ACTN4: variants seen among roughly 807,000 people sequenced by gnomAD.
The protein encoded by ACTN4 is actinin alpha 4, also known as alpha-actinin-4.
ACTN4 carries 18 observed loss-of-function variants against 114.2 expected under a neutral mutation model. That is an observed-to-expected ratio of 0.16 (90% confidence interval 0.11 to 0.23). The LOEUF (loss-of-function observed/expected upper bound fraction) is 0.23. Ranked by LOEUF, ACTN4 falls within the 10% of genes least tolerant of loss-of-function variation. The pLI is 1.00. For synonymous variants in ACTN4, 515 were observed against 506.3 expected, an observed-to-expected ratio of 1.02 and a Z score of -0.23; for missense variants, 722 against 1,262.9, an observed-to-expected ratio of 0.57 and a Z score of 6.49.
Position 38,727,154 on chromosome 19 carries a change from C to G in ACTN4, c.2337+51C>G, listed in dbSNP as rs149210264. On this transcript the variant is annotated intron_variant, in intron 18 of 20. Transcript: ENST00000252699. The surrounding 1 kb of genome is among the most constrained non-coding windows in gnomAD (Gnocchi z 5.4). ...CTCTCCCCTCCCGCCGTTGCCGTAC[C>G]AGCCCACACCTTCGTCTCTGCATCT... 1.9e-6 allele frequency: 3 copies of G among 1,612,988 alleles called. No homozygotes were observed. In the East Asian group the frequency reaches 6.7e-5, roughly 36 times the overall value.
intron 1 of ACTN4, among the ~76,000 whole-genome samples, chr19:38,698,007 A>C (rs1968148786): frequency 6.6e-6 from 1 of 152,204 alleles, no homozygotes; most frequent in South Asian, 2.1e-4. Flanking sequence ...CGCACATGGT[A>C]GGAGAGAAAG....
chr19:38,711,440 C>CT, intron 8 of ACTN4: 1 of 740,974 alleles, frequency 1.3e-6, no homozygotes, highest in Non-Finnish European at 1.7e-6. Context: ...CGCTGGCCAT[C>CT]TGTGGTTGGA....
chr19:38,655,084 T>C (rs969717566), intron 1 of ACTN4, among the ~76,000 whole-genome samples: 3 of 152,170 alleles, frequency 2.0e-5, no homozygotes, highest in Non-Finnish European at 2.9e-5. Flanking sequence ...CTGCAGCCAT[T>C]TGTGATTTTC....
At chr19:38,692,909 C>T (rs1400986364) in intron 1 of ACTN4, among the ~76,000 whole-genome samples, 3 of 152,098 alleles carry the variant, frequency 2.0e-5, no homozygotes, top group Non-Finnish European at 4.4e-5. Context: ...GATGCCCCAG[C>T]GGAGCGACAA....
chr19:38,674,627 A>G (rs953089676), intron 1 of ACTN4, among the ~76,000 whole-genome samples: 3 of 152,178 alleles, frequency 2.0e-5, no homozygotes, highest in African/African-American at 7.2e-5. Context: ...AGATGAGAGA[A>G]CTAAAGTTCA....
rs181865771 is a variant in ACTN4 at position 38,729,640 on chromosome 19, C to G, written c.*208C>G. 279 of 761,256 alleles carry G rather than the reference C, an allele frequency of 3.7e-4. No homozygotes were observed. In the African/African-American group the frequency reaches 4.4e-3, roughly 12 times the overall value. 47.2% of individuals were successfully genotyped at this position (761,256 alleles called of 1,614,324 possible). Reference sequence around the variant, plus strand: ...GGTTCCCCCGACCAGGTTGGGGAGACTTGGGGCCAGCGCTTCTGGTCTGGT... The same window carrying G: ...GGTTCCCCCGACCAGGTTGGGGAGAGTTGGGGCCAGCGCTTCTGGTCTGGT... On this transcript the variant is annotated 3_prime_UTR_variant, in exon 21 of 21. Transcript: ENST00000252699.
intron 8 of ACTN4, 69 bp downstream of exon 8, chr19:38,710,411 C>T (rs1450975927): frequency 9.3e-6 from 14 of 1,504,250 alleles, no homozygotes; most frequent in African/African-American, 5.5e-5. Context: ...TCTCGCCTCC[C>T]GTGCTCACCT....
chr19:38,707,089 A>G (rs8105216), intron 5 of ACTN4, among the ~76,000 whole-genome samples: 8,608 of 152,232 alleles, frequency 0.057, 259 homozygotes, highest in South Asian at 0.095. Flanking sequence ...CAGCGGCCTC[A>G]GGCTCTCTGG....
rs1162858670 is a variant in ACTN4, at chr19:38,730,408, T to C, written c.*976T>C. 1 of 184,780 alleles carries C rather than the reference T, an allele frequency of 5.4e-6. No individual in the cohort carries two copies. The highest frequency in any genetic ancestry group is 1.5e-4 in the East Asian group (1 of 6,778). The allele number at this position is 184,780 out of a possible 1,614,324, so 11.4% of individuals were successfully genotyped here. A position where few individuals can be genotyped will look rare whatever the true frequency, so the allele number is the denominator to read the frequency against. On this transcript the variant is annotated 3_prime_UTR_variant, in exon 21 of 21. Transcript: ENST00000252699. Reference sequence around the variant, plus strand: ...GGCTGATGGCCTGGCTGCCTGGTGGTTGATGGTTTTGCTCCCCCTACCTTT... The same window carrying C: ...GGCTGATGGCCTGGCTGCCTGGTGGCTGATGGTTTTGCTCCCCCTACCTTT...
intron 3 of ACTN4, among the ~76,000 whole-genome samples, chr19:38,704,673 C>T (rs1327677541): frequency 2.6e-5 from 4 of 152,214 alleles, no homozygotes; most frequent in Non-Finnish European, 5.9e-5. Context: ...GGAGAAGGAG[C>T]TGGCTGCGGG....
chr19:38,669,405 G>C (rs951914516), intron 1 of ACTN4, among the ~76,000 whole-genome samples: 1 of 152,236 alleles, frequency 6.6e-6, no homozygotes, highest in African/African-American at 2.4e-5. Flanking sequence ...GAGTTTGGAG[G>C]TGTCCCCTGT....
At chr19:38,672,369 T>G (rs1437363011) in intron 1 of ACTN4, among the ~76,000 whole-genome samples, 1 of 150,852 alleles carries the variant, frequency 6.6e-6, no homozygotes, top group African/African-American at 2.4e-5. Flanking sequence ...GCCTCCTGAG[T>G]AGCTGGGACC....
Position 38,727,822 on chromosome 19 carries a change from C to T in ACTN4, c.2338-124C>T. The T allele has an allele frequency of 1.1e-6, 1 of 904,958 alleles. No homozygotes were observed. Among genetic ancestry groups the T allele is most frequent in the Admixed American group, 2.0e-5 (1 of 48,886 alleles). The allele number at this position is 904,958 out of a possible 1,614,324, so 56.1% of individuals were successfully genotyped here. ...CTGGCCATCTCCTTGTCCATGTTGC[C>T]TCTAACTCTGTGTTTCCCTCCCCTA... On this transcript the variant is annotated intron_variant, in intron 18 of 20. Transcript: ENST00000252699. The surrounding 1 kb of genome is among the most constrained non-coding windows in gnomAD (Gnocchi z 5.4).
chr19:38,679,450 T>G (rs1267614937), intron 1 of ACTN4, among the ~76,000 whole-genome samples: 1 of 152,160 alleles, frequency 6.6e-6, no homozygotes, highest in Admixed American at 6.5e-5. Context: ...GTGGGACTCC[T>G]TTGTACCTGT....
intron 1 of ACTN4, among the ~76,000 whole-genome samples, chr19:38,691,181 C>T (rs528340834): frequency 4.0e-5 from 6 of 150,894 alleles, no homozygotes; most frequent in African/African-American, 9.7e-5. Context: ...TTTGGGAGGC[C>T]GAGGTGGGCG....
At chr19:38,723,367 C>T (rs943142390) in intron 12 of ACTN4, among the ~76,000 whole-genome samples, 1 of 152,150 alleles carries the variant, frequency 6.6e-6, no homozygotes, top group Non-Finnish European at 1.5e-5. Context: ...AGGAGGAAGC[C>T]GCTTCCCTTC....
Position 38,714,525 on chromosome 19 carries a change from G to A in ACTN4, c.876G>A (p.Glu292=). 1 of 1,613,988 alleles carries A rather than the reference G, an allele frequency of 6.2e-7. No individual in the cohort carries two copies. ...CKVLAVNQEN[E]HLMEDYEKLA... ...TGCTGGCTGTCAACCAAGAGAACGA[G>A]CACCTGATGGAGGACTACGAGAAGC... Residue 292 remains glutamate, a synonymous_variant, in exon 9 of 21, where the codon GAG becomes GAA. Coordinates refer to ENST00000252699, the MANE Select transcript of ACTN4 (RefSeq NM_004924.6).
chr19:38,667,944 T>C (rs555550525), intron 1 of ACTN4, among the ~76,000 whole-genome samples: 1 of 152,180 alleles, frequency 6.6e-6, no homozygotes, highest in South Asian at 2.1e-4. Flanking sequence ...TAATGCAAAA[T>C]ATGCAAGCTG....
At chr19:38,718,606 G>A (rs1968926384) in intron 11 of ACTN4, among the ~76,000 whole-genome samples, 1 of 152,150 alleles carries the variant, frequency 6.6e-6, no homozygotes, top group African/African-American at 2.4e-5. Context: ...CAGGGGCCAG[G>A]TCCTCTTTGT....
Sources: gnomAD v4.1 joint callset for allele counts (sites outside exome capture counted in the v4.1 genomes callset) on GRCh38, gnomAD v4.1.1 for gene constraint, Gnocchi (gnomAD v3.1) non-coding constraint, MANE v1.5 for transcripts, NCBI Gene and HGNC (gene_info 2026-07-23, HGNC 2026-07-21) for gene names.